The following NOMO3 variants were observed in gnomAD, a reference collection of about 807,000 sequenced individuals.
The protein encoded by NOMO3 is NODAL modulator 3, also known as BOS complex subunit NOMO3.
A neutral mutation model predicts 69.9 loss-of-function variants in NOMO3; 15 were observed. The ratio of observed to expected loss-of-function variants is 0.21; its 90% CI spans 0.14 to 0.33. NOMO3 has a LOEUF of 0.33. Among genes scored for constraint, NOMO3 ranks in the 10% least tolerant of loss-of-function variants. NOMO3 has a pLI of 1.00. For missense variants in NOMO3, 218 were observed against 761.0 expected, an observed-to-expected ratio of 0.29 and a Z score of 8.39; for synonymous variants, 89 against 301.9, an observed-to-expected ratio of 0.29 and a Z score of 7.31.
chr16:16,269,517 G>A (rs1278004471), intron 16 of NOMO3, among the ~76,000 whole-genome samples: 1 of 140,432 alleles, frequency 7.1e-6, no homozygotes, highest in Non-Finnish European at 1.5e-5. Flanking sequence ...CTAATTTCAG[G>A]TTTTTGTAGG....
rs1374905357 is a variant in NOMO3, at chr16:16,233,502, G to T, written c.165+671G>T. Among the ~76,000 whole-genome samples the T allele has an allele frequency of 5.9e-4, 55 of 92,854 alleles. 5 individuals are homozygous for T. The highest frequency in any genetic ancestry group is 1.7e-3 in the African/African-American group (40 of 24,076). The allele number at this position is 92,854 out of a possible 152,430, so 60.9% of individuals were successfully genotyped here. A position where few individuals can be genotyped will look rare whatever the true frequency, so the allele number is the denominator to read the frequency against. On this transcript the variant is annotated intron_variant, in intron 1 of 30. Coordinates refer to ENST00000399336, the MANE Select transcript of NOMO3 (RefSeq NM_001004067.4). ...ATTACCCTAGAGATTTGTGCTGAAG[G>T]TTTTTTTTTTTTTTTTTTTTAATTA...
In NOMO3 at chr16:16,261,413, G is replaced by C; in HGVS notation, c.1221-89G>C. On this transcript the variant is annotated intron_variant, in intron 11 of 30. Coordinates refer to ENST00000399336, the MANE Select transcript of NOMO3 (RefSeq NM_001004067.4). ...TAGACTATTCTCAGGAACAAGGGCT[G>C]GGAGAGGGCTGCATCTTTTTTGGTC... is the stretch of plus-strand genomic sequence containing the variant. 2.0e-6 allele frequency: 3 copies of C among 1,481,516 alleles called. 1 individual carries two copies. The highest frequency in any genetic ancestry group is 1.8e-6 in the Non-Finnish European group (2 of 1,094,048). 91.8% of individuals were successfully genotyped at this position (1,481,516 alleles called of 1,614,324 possible).
intron 3 of NOMO3, 27 bp from the exon 4 acceptor site, chr16:16,243,134 G>A (rs2049387052): frequency 3.1e-6 from 3 of 957,046 alleles, no homozygotes; most frequent in African/African-American, 2.2e-5. Flanking sequence ...CTTGTGCCCC[G>A]GTTTCCTCCC....
At chr16:16,235,682 A>G (rs2141244981) in intron 1 of NOMO3, among the ~76,000 whole-genome samples, 1 of 144,564 alleles carries the variant, frequency 6.9e-6, no homozygotes, top group African/African-American at 2.8e-5. Flanking sequence ...ATGCCTAGCT[A>G]ATTTTTTTTC....
intron 16 of NOMO3, chr16:16,267,402 C>G (rs1567566832): frequency 2.2e-6 from 1 of 460,830 alleles, no homozygotes; most frequent in East Asian, 5.3e-5. Flanking sequence ...TGCTTAAAAT[C>G]TTTCAGTGGC....
intron 13 of NOMO3, 108 bp downstream of exon 13, chr16:16,263,323 C>T (rs1712782621): frequency 1.3e-6 from 2 of 1,587,448 alleles, no homozygotes; most frequent in Admixed American, 1.7e-5. Context: ...TACTGATCAC[C>T]TGCGTGCGAG....
chr16:16,233,522 T>A (rs559082499), intron 1 of NOMO3, among the ~76,000 whole-genome samples: 378 of 114,714 alleles, frequency 3.3e-3, no homozygotes, highest in Non-Finnish European at 4.3e-3. Context: ...TTTTTTTTTT[T>A]AATTAAGTTG....
chr16:16,241,469 G>A (rs1284739930), intron 3 of NOMO3, among the ~76,000 whole-genome samples: 2 of 132,418 alleles, frequency 1.5e-5, no homozygotes, highest in Non-Finnish European at 3.1e-5. Flanking sequence ...CCAGGCTGGA[G>A]TGTGATCTCA....
chr16:16,269,407 A>G (rs1255665627), intron 16 of NOMO3, among the ~76,000 whole-genome samples: 3 of 142,502 alleles, frequency 2.1e-5, no homozygotes, highest in Admixed American at 2.0e-4. Flanking sequence ...GAAAGACCAA[A>G]CAAAACAAAC....
chr16:16,254,532 T>G (rs1475761201), intron 9 of NOMO3, among the ~76,000 whole-genome samples: 2 of 141,508 alleles, frequency 1.4e-5, no homozygotes, highest in Admixed American at 1.4e-4. Flanking sequence ...AGGAAGTCAT[T>G]TAATTATTTA....
At chr16:16,268,913 T>C (rs1359291248) in intron 16 of NOMO3, among the ~76,000 whole-genome samples, 2 of 142,726 alleles carry the variant, frequency 1.4e-5, no homozygotes, top group Non-Finnish European at 3.0e-5. Flanking sequence ...TCTGTATTAT[T>C]GGCCAGAACC....
Position 16,232,605 on chromosome 16 carries a change from C to A in NOMO3, c.-62C>A. 1 of 403,154 alleles carries A rather than the reference C, an allele frequency of 2.5e-6. No homozygotes were observed. The highest frequency in any genetic ancestry group is 4.4e-6 in the Non-Finnish European group (1 of 229,616). 25.0% of individuals were successfully genotyped at this position (403,154 alleles called of 1,614,324 possible). A position where few individuals can be genotyped will look rare whatever the true frequency, so the allele number is the denominator to read the frequency against. ...CCTAGGAGGAGGAAGGAGCCTGCGG[C>A]GTGCAGTGTGAGGGGCGGGACCCGG... On this transcript the variant is annotated 5_prime_UTR_variant, in exon 1 of 31. Coordinates refer to ENST00000399336, the MANE Select transcript of NOMO3 (RefSeq NM_001004067.4).
At chr16:16,269,429 ATTTTTTT>A (rs750179595) in intron 16 of NOMO3, among the ~76,000 whole-genome samples, 24 of 111,466 alleles carry the variant, frequency 2.2e-4, no homozygotes, top group East Asian at 3.1e-4. Context: ...GAGAAACCTG[ATTTTTTT>A]TTTTTTTTTT....
intron 9 of NOMO3, among the ~76,000 whole-genome samples, chr16:16,255,008 G>A (rs1487437013): frequency 1.4e-5 from 2 of 143,926 alleles, no homozygotes; most frequent in Non-Finnish European, 3.0e-5. Flanking sequence ...TGCATCCCGA[G>A]TTGAAGTGAT....
At chr16:16,260,611 G>A (rs1366295613) in intron 11 of NOMO3, among the ~76,000 whole-genome samples, 1 of 142,202 alleles carries the variant, frequency 7.0e-6, no homozygotes, top group African/African-American at 2.9e-5. Context: ...ACCCCTAATT[G>A]TCAGAATCCA....
intron 6 of NOMO3, among the ~76,000 whole-genome samples, chr16:16,249,217 A>G (rs1263569468): frequency 1.4e-5 from 2 of 145,562 alleles, no homozygotes; most frequent in East Asian, 4.5e-4. Context: ...TTTCACACCT[A>G]GATGTCTCTT....
intron 2 of NOMO3, among the ~76,000 whole-genome samples, chr16:16,238,872 G>A (rs1210128340): frequency 7.7e-6 from 1 of 130,524 alleles, no homozygotes; most frequent in Non-Finnish European, 1.6e-5. Context: ...GAGCTCAGGA[G>A]TGTGAGACCA....
rs573462826 is a variant in NOMO3 at position 16,263,292 on chromosome 16, T to C, written c.1537+77T>C. On this transcript the variant is annotated intron_variant, in intron 13 of 30. Coordinates refer to ENST00000399336, the MANE Select transcript of NOMO3 (RefSeq NM_001004067.4). The stretch of plus-strand genomic sequence containing the variant: ...TAGGAGTGGGATTTGGGAAACTTTT[T>C]GTTTTGCCTTTGTTGTTTGCTACTG... 2.2e-4 allele frequency: 352 copies of C among 1,594,050 alleles called. 31 individuals carry two copies. Among genetic ancestry groups the C allele is most frequent in the Middle Eastern group, 1.2e-3 (7 of 5,714 alleles).
intron 3 of NOMO3, 66 bp from the exon 4 acceptor site, chr16:16,243,095 G>A (rs1434488771): frequency 3.1e-6 from 2 of 636,596 alleles, no homozygotes; most frequent in Middle Eastern, 8.7e-4. Context: ...TAGGTTCACT[G>A]TACCCCAAAA....
Sources: allele counts gnomAD v4.1 joint callset (sites outside exome capture counted in the v4.1 genomes callset), GRCh38; gene constraint gnomAD v4.1.1; transcripts MANE v1.5; gene names NCBI Gene and HGNC (gene_info 2026-07-23, HGNC 2026-07-21).